Variants in BCAR3 observed in about 807,000 individuals in gnomAD.
The protein encoded by BCAR3 is breast cancer anti-estrogen resistance protein 3.
In BCAR3, 37 loss-of-function variants were observed where a neutral mutation model predicts 80.1. The ratio of observed to expected loss-of-function variants is 0.46; its 90% CI spans 0.36 to 0.61. BCAR3 has a LOEUF of 0.61. BCAR3 is among the 20% of genes least tolerant of loss of function. The pLI is 0.00. For missense variants in BCAR3, 978 were observed against 1,068.2 expected (o/e 0.92, Z 1.18); for synonymous variants, 389 against 418.9 (o/e 0.93, Z 0.87).
chr1:93,680,847 C>T (rs1161871175), intron 1 of BCAR3, among the ~76,000 whole-genome samples: 2 of 152,176 alleles, frequency 1.3e-5, no homozygotes, highest in Non-Finnish European at 2.9e-5. Context: ...GTGTCTACAC[C>T]TGATTACACC....
chr1:93,646,331 G>A (rs1427894643), intron 2 of BCAR3: 3 of 152,238 alleles, frequency 2.0e-5, no homozygotes, highest in East Asian at 3.9e-4. Context: ...GGCTGGTCAC[G>A]GTGACTCACG....
intron 2 of BCAR3, among the ~76,000 whole-genome samples, chr1:93,787,921 C>G (rs2100770058): frequency 6.6e-6 from 1 of 152,278 alleles, no homozygotes; most frequent in East Asian, 1.9e-4. Flanking sequence ...ATTGAAGTCC[C>G]TCACTATTAT....
chr1:93,640,761 T>C (rs1044213852), intron 3 of BCAR3, among the ~76,000 whole-genome samples: 4 of 152,258 alleles, frequency 2.6e-5, no homozygotes, highest in African/African-American at 9.6e-5. Flanking sequence ...GAGAATGCAC[T>C]ACCAAATTAT....
intron 7 of BCAR3, among the ~76,000 whole-genome samples, chr1:93,580,600 T>C (rs1270946613): frequency 6.6e-6 from 1 of 152,132 alleles, no homozygotes; most frequent in Non-Finnish European, 1.5e-5. Flanking sequence ...ATAATAGCTA[T>C]TTACAAAGCA....
chr1:93,728,556 T>G (rs950406465), intron 2 of BCAR3, among the ~76,000 whole-genome samples: 2 of 152,204 alleles, frequency 1.3e-5, no homozygotes, highest in Non-Finnish European at 2.9e-5. Flanking sequence ...AAGGTTTTAT[T>G]GAGTGCAGAT....
intron 2 of BCAR3, among the ~76,000 whole-genome samples, chr1:93,743,254 A>T (rs1199034770): frequency 6.6e-6 from 1 of 152,196 alleles, no homozygotes; most frequent in Middle Eastern, 3.2e-3. Flanking sequence ...AAAACATTTC[A>T]TCTAATAGGG....
At chr1:93,811,698 C>T (rs1426806977) in intron 2 of BCAR3, among the ~76,000 whole-genome samples, 1 of 152,164 alleles carries the variant, frequency 6.6e-6, no homozygotes, top group Non-Finnish European at 1.5e-5. Context: ...CACAGGTAAT[C>T]CTGGCTTTCT....
rs185172721 is a variant in BCAR3, at chr1:93,833,567, C to T, written c.-63+12000G>A. On this transcript the variant is annotated intron_variant, in intron 2 of 13. Coordinates refer to the BCAR3 transcript ENST00000370244. ...CCCAGAGCGGTCATTTTAGAAGCCT[C>T]CCCTGGGAATGCATTCTTTTCCCAG... is the stretch of plus-strand genomic sequence containing the variant. 9.1e-3 allele frequency among the ~76,000 whole-genome samples: 1,379 copies of T among 152,208 alleles called. 26 individuals carry two copies. The highest frequency in any genetic ancestry group is 0.031 in the African/African-American group (1,283 of 41,502).
chr1:93,680,488 C>T (rs113362775), intron 1 of BCAR3, among the ~76,000 whole-genome samples: 1 of 152,176 alleles, frequency 6.6e-6, no homozygotes, highest in East Asian at 1.9e-4. Context: ...GCCCCACCCC[C>T]AGCACTGAGG....
chr1:93,797,105 T>C (rs1488606086), intron 2 of BCAR3, among the ~76,000 whole-genome samples: 3 of 152,214 alleles, frequency 2.0e-5, no homozygotes, highest in Non-Finnish European at 4.4e-5. Context: ...GGCCACGTTT[T>C]AGAGGCCACT....
chr1:93,565,286 T>C (rs1276508104), intron 11 of BCAR3, among the ~76,000 whole-genome samples: 2 of 151,958 alleles, frequency 1.3e-5, no homozygotes, highest in Non-Finnish European at 2.9e-5. Context: ...GGCTGGCCTC[T>C]AAGTCCTGAC....
intron 2 of BCAR3, chr1:93,706,145 G>A (rs770874138): frequency 6.6e-6 from 1 of 152,346 alleles, no homozygotes; most frequent in Non-Finnish European, 1.5e-5. Context: ...AGCAGCTCCT[G>A]TAGTAGAATG....
At chr1:93,571,595 A>C (rs1255177125) in intron 9 of BCAR3, 75 bp downstream of exon 9, 2 of 1,552,752 alleles carry the variant, frequency 1.3e-6, no homozygotes, top group East Asian at 2.2e-5. Context: ...TGACTAAAAT[A>C]GTCTGATTTG....
At chr1:93,625,989 A>G (rs236314) in intron 3 of BCAR3, among the ~76,000 whole-genome samples, 1,729 of 152,278 alleles carry the variant, frequency 0.011, 33 homozygotes, top group African/African-American at 0.038. Flanking sequence ...CCTTGGCCTC[A>G]CCAAGCTTGG....
At chr1:93,583,849 A>G (rs1486631700) in intron 6 of BCAR3, among the ~76,000 whole-genome samples, 169 bp downstream of exon 6, 1 of 152,216 alleles carries the variant, frequency 6.6e-6, no homozygotes, top group Non-Finnish European at 1.5e-5. Flanking sequence ...TACGGTGTCT[A>G]GCTCAGTGCT....
intron 4 of BCAR3, 33 bp from the exon 5 acceptor site, chr1:93,589,452 A>T (rs1160136468): frequency 1.3e-6 from 2 of 1,564,200 alleles, no homozygotes; most frequent in Non-Finnish European, 1.7e-6. Flanking sequence ...AGGAGTAGGA[A>T]AGGCAAATTC....
At chr1:93,614,574 TA>T (rs1675049691) in intron 3 of BCAR3, among the ~76,000 whole-genome samples, 1 of 152,140 alleles carries the variant, frequency 6.6e-6, no homozygotes, top group Non-Finnish European at 1.5e-5. Flanking sequence ...TGTTTATTTT[TA>T]ATTAAGATGC....
chr1:93,592,017 C>T lies in BCAR3; in HGVS notation c.486+248G>A, dbSNP rs1040206000. On this transcript the variant is annotated intron_variant, in intron 4 of 11. Coordinates refer to ENST00000260502, the MANE Select transcript of BCAR3 (RefSeq NM_003567.4). The surrounding 1 kb of genome is among the most constrained non-coding windows in gnomAD (Gnocchi z 4.8). ...GCTGCCTCCCACAACGCTGTGCTTG[C>T]AGACCCCAGGAGCGCTGGCTGTCCC... is the stretch of plus-strand genomic sequence containing the variant. Among the ~76,000 whole-genome samples the T allele has an allele frequency of 2.6e-5, 4 of 152,276 alleles. No individual in the cohort carries two copies. Among genetic ancestry groups the T allele is most frequent in the Non-Finnish European group, 4.4e-5 (3 of 68,050 alleles).
intron 2 of BCAR3, among the ~76,000 whole-genome samples, chr1:93,777,399 C>T (rs1204988812): frequency 1.6e-5 from 2 of 124,724 alleles, no homozygotes; most frequent in Non-Finnish European, 3.1e-5. Context: ...CCTCTTCTTC[C>T]TCTTCCTCCT....
Sources: allele counts gnomAD v4.1 joint callset (sites outside exome capture counted in the v4.1 genomes callset), GRCh38; gene constraint gnomAD v4.1.1; non-coding constraint Gnocchi (gnomAD v3.1); transcripts MANE v1.5; gene names NCBI Gene and HGNC (gene_info 2026-07-23, HGNC 2026-07-21).